KCNH8: variants seen among roughly 807,000 people sequenced by gnomAD.
KCNH8 encodes potassium voltage-gated channel subfamily H member 8, also known as voltage-gated delayed rectifier potassium channel KCNH8.
KCNH8 carries 70 observed loss-of-function variants against 103.6 expected under a neutral mutation model. The observed-to-expected ratio is 0.68, with a 90% CI of 0.56 to 0.82. The LOEUF (loss-of-function observed/expected upper bound fraction) is 0.82. Ranked by LOEUF, KCNH8 falls within the 40% of genes least tolerant of loss-of-function variation. KCNH8 has a pLI of 0.00. For missense variants in KCNH8, 1,217 were observed against 1,329.9 expected (o/e 0.92, Z 1.32); for synonymous variants, 498 against 489.4 (o/e 1.02, Z -0.23).
At chr3:19,293,978 C>T (rs932573818) in intron 3 of KCNH8, among the ~76,000 whole-genome samples, 9 of 152,124 alleles carry the variant, frequency 5.9e-5, no homozygotes, top group African/African-American at 2.2e-4. Context: ...ATAAAAGCTG[C>T]ATTTCTCAGG....
chr3:19,451,944 T>C (rs534757008), intron 10 of KCNH8, among the ~76,000 whole-genome samples: 1 of 152,320 alleles, frequency 6.6e-6, no homozygotes, highest in South Asian at 2.1e-4. Context: ...TTACAAGATA[T>C]ATTGTGAAAA....
At chr3:19,334,119 C>T (rs899143191) in intron 3 of KCNH8, among the ~76,000 whole-genome samples, 3 of 151,800 alleles carry the variant, frequency 2.0e-5, no homozygotes, top group Middle Eastern at 6.8e-3. Context: ...CATTACAGTC[C>T]CGTATGGACC....
At chr3:19,501,416 A>G (rs998591230) in intron 11 of KCNH8, among the ~76,000 whole-genome samples, 1 of 152,188 alleles carries the variant, frequency 6.6e-6, no homozygotes, top group African/African-American at 2.4e-5. Context: ...ATCCTCCCTA[A>G]CTCATTTTAT....
intron 3 of KCNH8, among the ~76,000 whole-genome samples, chr3:19,311,168 A>G (rs1000094637): frequency 2.0e-5 from 3 of 151,740 alleles, no homozygotes; most frequent in African/African-American, 7.3e-5. Context: ...TTTGCCTCTC[A>G]TGTCTAATAA....
intron 3 of KCNH8, among the ~76,000 whole-genome samples, chr3:19,285,805 G>A (rs1357625957): frequency 6.6e-6 from 1 of 152,126 alleles, no homozygotes; most frequent in Middle Eastern, 3.4e-3. Flanking sequence ...CAAAGTGCTC[G>A]TAATCTTATG....
At chr3:19,228,091 C>A (rs2063952494) in intron 1 of KCNH8, among the ~76,000 whole-genome samples, 1 of 152,176 alleles carries the variant, frequency 6.6e-6, no homozygotes, top group Admixed American at 6.5e-5. Flanking sequence ...GGAATCCAAA[C>A]AGTATGACTC....
At chr3:19,204,692 T>C (rs1404817250) in intron 1 of KCNH8, among the ~76,000 whole-genome samples, 1 of 152,086 alleles carries the variant, frequency 6.6e-6, no homozygotes, top group African/African-American at 2.4e-5. Flanking sequence ...GCCTGAAGTA[T>C]TTTTATGATA....
chr3:19,425,897 C>T (rs1400878608), intron 7 of KCNH8, among the ~76,000 whole-genome samples: 1 of 152,016 alleles, frequency 6.6e-6, no homozygotes, highest in Non-Finnish European at 1.5e-5. Flanking sequence ...GAGGTGTTGA[C>T]AATTGTATTT....
At chr3:19,384,044 T>A (rs2066323234) in intron 5 of KCNH8, among the ~76,000 whole-genome samples, 1 of 152,154 alleles carries the variant, frequency 6.6e-6, no homozygotes, top group Admixed American at 6.5e-5. Flanking sequence ...TCTGTACACA[T>A]GCCAATGGAC....
At chr3:19,163,111 AAAT>A (rs1159060527) in intron 1 of KCNH8, among the ~76,000 whole-genome samples, 3 of 151,936 alleles carry the variant, frequency 2.0e-5, no homozygotes, top group Non-Finnish European at 2.9e-5. Context: ...AAAAAAATAA[AAAT>A]AATGATACTA....
chr3:19,415,488 G>C (rs933789999), intron 7 of KCNH8, among the ~76,000 whole-genome samples: 5 of 148,390 alleles, frequency 3.4e-5, no homozygotes, highest in Non-Finnish European at 7.4e-5. Flanking sequence ...TCTACAATCA[G>C]CTGTTGATTT....
intron 1 of KCNH8, among the ~76,000 whole-genome samples, chr3:19,233,783 T>C (rs990042437): frequency 1.3e-4 from 20 of 152,104 alleles, no homozygotes; most frequent in African/African-American, 4.8e-4. Flanking sequence ...AATGAAGCCA[T>C]GGACCCTCGC....
chr3:19,413,934 T>A (rs191513338), intron 7 of KCNH8, among the ~76,000 whole-genome samples: 17 of 152,144 alleles, frequency 1.1e-4, no homozygotes, highest in Admixed American at 3.3e-4. Context: ...TGTCAACCAT[T>A]GATATGTTGT....
At chr3:19,221,259 C>T (rs1051113824) in intron 1 of KCNH8, among the ~76,000 whole-genome samples, 2 of 152,196 alleles carry the variant, frequency 1.3e-5, no homozygotes, top group Admixed American at 6.5e-5. Flanking sequence ...ATACCTGCTT[C>T]ATGACTCACT....
At chr3:19,509,118 G>A (rs1341973214) in intron 11 of KCNH8, among the ~76,000 whole-genome samples, 1 of 152,018 alleles carries the variant, frequency 6.6e-6, no homozygotes, top group Non-Finnish European at 1.5e-5. Context: ...CACCATTTAG[G>A]GAATTATTAC....
intron 1 of KCNH8, among the ~76,000 whole-genome samples, chr3:19,207,989 GTT>G (rs2063733920): frequency 6.6e-6 from 1 of 151,980 alleles, no homozygotes; most frequent in South Asian, 2.1e-4. Context: ...AGGGTGCTCA[GTT>G]TAGTTAATAT....
Position 19,491,279 on chromosome 3 carries a change from A to G in KCNH8, c.2041-19084A>G, listed in dbSNP as rs2068315105. ...GTTTATTACATGGGGATATTGCACC[A>G]AGGTAGTGAGCATAGTACCCAACAA... is the stretch of plus-strand genomic sequence containing the variant. On this transcript the variant is annotated intron_variant, in intron 11 of 15. Coordinates refer to ENST00000328405, the MANE Select transcript of KCNH8 (RefSeq NM_144633.3). 3.3e-5 allele frequency among the ~76,000 whole-genome samples: 5 copies of G among 152,166 alleles called. No individual in the cohort carries two copies. The South Asian group carries it at 1.0e-3, about 32-fold the overall frequency.
intron 15 of KCNH8, among the ~76,000 whole-genome samples, 169 bp from the exon 16 acceptor site, chr3:19,533,225 AG>A (rs1159511626): frequency 2.0e-5 from 3 of 150,770 alleles, no homozygotes; most frequent in Non-Finnish European, 3.0e-5. Flanking sequence ...AAAAGGAAAA[AG>A]AAAAAAAAAA....
intron 1 of KCNH8, among the ~76,000 whole-genome samples, chr3:19,214,837 A>C (rs1559426033): frequency 6.6e-6 from 1 of 152,226 alleles, no homozygotes; most frequent in African/African-American, 2.4e-5. Flanking sequence ...ATTGTCTCAT[A>C]GTTAAGATAC....
Sources: gnomAD v4.1 joint callset for allele counts (sites outside exome capture counted in the v4.1 genomes callset) on GRCh38, gnomAD v4.1.1 for gene constraint, MANE v1.5 for transcripts, NCBI Gene and HGNC (gene_info 2026-07-23, HGNC 2026-07-21) for gene names.